HSD17B12: variants seen among roughly 807,000 people sequenced by gnomAD.
The protein encoded by HSD17B12 is hydroxysteroid 17-beta dehydrogenase 12.
A neutral mutation model predicts 39.3 loss-of-function variants in HSD17B12; 32 were observed. That is an observed-to-expected ratio of 0.81 (90% CI 0.61 to 1.09). HSD17B12 has a LOEUF of 1.09. Among genes scored for constraint, HSD17B12 ranks in the 50% least tolerant of loss-of-function variants. The probability of loss-of-function intolerance (pLI) is 0.00; values close to 1 mark genes in which losing one functional copy is unlikely to be tolerated. For missense variants in HSD17B12, 342 were observed against 382.9 expected, an observed-to-expected ratio of 0.89 and a Z score of 0.89; for synonymous variants, 150 against 146.7, an observed-to-expected ratio of 1.02 and a Z score of -0.16.
the HSD17B12 span, among the ~76,000 whole-genome samples, chr11:43,602,558 T>C: frequency 6.6e-6 from 1 of 152,214 alleles, no homozygotes; most frequent in Non-Finnish European, 1.5e-5. Flanking sequence ...ATATCCTCAC[T>C]GCCTGTAGCA....
At chr11:43,602,608 A>G in the HSD17B12 span, among the ~76,000 whole-genome samples, 3 of 152,190 alleles carry the variant, frequency 2.0e-5, no homozygotes, top group African/African-American at 7.2e-5. Flanking sequence ...TTTTTGTTGA[A>G]TAAATAAGCA....
intron 1 of HSD17B12, among the ~76,000 whole-genome samples, chr11:43,739,455 G>A (rs967277718): frequency 6.6e-6 from 1 of 152,190 alleles, no homozygotes; most frequent in Non-Finnish European, 1.5e-5. Context: ...GGAAGTCCAA[G>A]ATCAAGGTGC....
chr11:43,561,477 C>G, the HSD17B12 span, among the ~76,000 whole-genome samples: 7 of 152,264 alleles, frequency 4.6e-5, no homozygotes, highest in African/African-American at 1.2e-4. Flanking sequence ...TCCTCACCTA[C>G]TAGGGAGCAA....
the HSD17B12 span, among the ~76,000 whole-genome samples, chr11:43,640,500 C>G: frequency 1.3e-5 from 2 of 151,806 alleles, no homozygotes; most frequent in African/African-American, 2.4e-5. Context: ...TATCTCTGTT[C>G]GAGAAAATTG....
chr11:43,584,117 C>A, the HSD17B12 span, among the ~76,000 whole-genome samples: 3 of 152,206 alleles, frequency 2.0e-5, no homozygotes, highest in Non-Finnish European at 4.4e-5. Context: ...CCTGGGTGAT[C>A]TGCTCTCCTG....
intron 6 of HSD17B12, among the ~76,000 whole-genome samples, chr11:43,827,897 A>G (rs1951261829): frequency 6.6e-6 from 1 of 152,124 alleles, no homozygotes; most frequent in South Asian, 2.1e-4. Context: ...TTTTCCTCAT[A>G]TATTTGTATA....
At chr11:43,733,647 T>C (rs1237489660) in intron 1 of HSD17B12, 1 of 427,070 alleles carries the variant, frequency 2.3e-6, no homozygotes, top group African/African-American at 2.0e-5. Context: ...TTTCCTGATC[T>C]AGCCCTTGGT....
intron 3 of HSD17B12, among the ~76,000 whole-genome samples, chr11:43,777,626 A>G (rs1388454878): frequency 6.6e-6 from 1 of 152,218 alleles, no homozygotes; most frequent in African/African-American, 2.4e-5. Context: ...TGCCCTGGCC[A>G]GAACTTCCAA....
chr11:43,823,903 T>C (rs1326843834), intron 6 of HSD17B12, among the ~76,000 whole-genome samples: 1 of 152,168 alleles, frequency 6.6e-6, no homozygotes, highest in Non-Finnish European at 1.5e-5. Context: ...GAGAATGTCC[T>C]AATCTTTGAA....
chr11:43,672,194 G>A, the HSD17B12 span, among the ~76,000 whole-genome samples: 2 of 152,032 alleles, frequency 1.3e-5, no homozygotes, highest in African/African-American at 4.8e-5. Flanking sequence ...GACTACAGGC[G>A]CCCGCCACCA....
the HSD17B12 span, among the ~76,000 whole-genome samples, chr11:43,583,053 C>T: frequency 1.8e-4 from 27 of 152,284 alleles, 1 homozygote; most frequent in African/African-American, 6.5e-4. Context: ...ACCCTGTGTC[C>T]CTTCAGCTCC....
the HSD17B12 span, among the ~76,000 whole-genome samples, chr11:43,585,119 T>G: frequency 6.6e-6 from 1 of 152,254 alleles, no homozygotes; most frequent in African/African-American, 2.4e-5. Flanking sequence ...CAAACGTTGT[T>G]ATGTCTCCTT....
intron 1 of HSD17B12, among the ~76,000 whole-genome samples, chr11:43,715,709 TCTC>T (rs776335377): frequency 6.6e-6 from 1 of 152,168 alleles, no homozygotes; most frequent in Non-Finnish European, 1.5e-5. Flanking sequence ...GGTACCAGCT[TCTC>T]CTTGTACCTC....
chr11:43,743,160 T>G (rs1950384173), intron 1 of HSD17B12, among the ~76,000 whole-genome samples: 1 of 152,202 alleles, frequency 6.6e-6, no homozygotes, highest in Non-Finnish European at 1.5e-5. Flanking sequence ...TCTAAGTATG[T>G]TTAGTATCAT....
chr11:43,680,933 G>A lies in HSD17B12; in HGVS notation c.106G>A (p.Val36Ile), dbSNP rs1410257946. Residue 36 changes from valine (V) to isoleucine (I), a missense_variant, in exon 1 of 11, where the codon GTC becomes ATC. Physicochemically the swap from Val to Ile is conservative, Grantham distance 29. Transcript: ENST00000278353. ...GTACTCGCTCTTCACGGCCCTCCGG[G>A]TCTGGGGAGTGGGGAATGAGGCGGG... ...ISYSLFTALR[V>I]WGVGNEAGVG... The A allele has an allele frequency of 1.2e-6, 2 of 1,612,640 alleles. No homozygotes were observed. Among genetic ancestry groups the A allele is most frequent in the African/African-American group, 2.7e-5 (2 of 74,888 alleles).
the HSD17B12 span, among the ~76,000 whole-genome samples, chr11:43,571,042 CCCCA>C: frequency 2.6e-5 from 4 of 152,202 alleles, no homozygotes; most frequent in African/African-American, 4.8e-5. Context: ...GAAATACAAT[CCCCA>C]TTCTTTACTC....
intron 6 of HSD17B12, among the ~76,000 whole-genome samples, chr11:43,825,555 G>T (rs111874968): frequency 6.6e-6 from 1 of 152,188 alleles, no homozygotes; most frequent in Non-Finnish European, 1.5e-5. Flanking sequence ...AACAACATTA[G>T]GAATATGATA....
the HSD17B12 span, among the ~76,000 whole-genome samples, chr11:43,640,065 A>G: frequency 6.6e-6 from 1 of 152,182 alleles, no homozygotes; most frequent in Non-Finnish European, 1.5e-5. Flanking sequence ...GAAAACAAAA[A>G]TAAAATCAGA....
At chr11:43,578,997 A>G in the HSD17B12 span, 1 of 148,086 alleles carries the variant, frequency 6.8e-6, no homozygotes, top group African/African-American at 2.5e-5. Context: ...TGGCTGCGTC[A>G]TGGCTCTAGT....
Sources: allele counts gnomAD v4.1 joint callset (sites outside exome capture counted in the v4.1 genomes callset), GRCh38; gene constraint gnomAD v4.1.1; transcripts MANE v1.5; gene names NCBI Gene and HGNC (gene_info 2026-07-23, HGNC 2026-07-21).